Variants in NT5E observed in about 807,000 individuals in gnomAD.
NT5E encodes 5'-nucleotidase.
NT5E carries 53 observed loss-of-function variants against 55.1 expected under a neutral mutation model. The ratio of observed to expected loss-of-function variants is 0.96; its 90% confidence interval spans 0.77 to 1.21. The LOEUF (loss-of-function observed/expected upper bound fraction) is 1.21, where lower values mean the gene tolerates loss of function less well. Ranked by LOEUF, NT5E falls within the 50% of genes most tolerant of loss-of-function variation. The pLI is 0.00. For synonymous variants in NT5E, 270 were observed against 278.4 expected (o/e 0.97, Z 0.30); for missense variants, 683 against 724.3 (o/e 0.94, Z 0.65).
Position 85,487,429 on chromosome 6 carries a change from C to T in NT5E, c.1044C>T (p.Gly348=). 6.2e-7 allele frequency: 1 copy of T among 1,614,146 alleles called. No individual in the cohort carries two copies. The highest frequency in any genetic ancestry group is 1.7e-5 in the Admixed American group (1 of 60,026). Residue 348 remains glycine (G), a synonymous_variant, in exon 5 of 9, where the codon GGC becomes GGT. Coordinates refer to ENST00000257770, the MANE Select transcript of NT5E (RefSeq NM_002526.4). ...GGAAAACAATTGTCTATCTGGATGG[C>T]TCCTCTCAATCATGCCGCTTTAGAG... is the stretch of plus-strand genomic sequence containing the variant. The part of the protein sequence containing the change: ...ELGKTIVYLD[G]SSQSCRFREC...
At chr6:85,455,017 G>A (rs1768961087) in intron 1 of NT5E, among the ~76,000 whole-genome samples, 1 of 152,230 alleles carries the variant, frequency 6.6e-6, no homozygotes, top group South Asian at 2.1e-4. Context: ...GGACCAGAGT[G>A]AGGTAGCAGG....
intron 5 of NT5E, 145 bp from the exon 6 acceptor site, chr6:85,489,349 T>C: frequency 1.5e-6 from 1 of 686,952 alleles, no homozygotes; most frequent in South Asian, 1.5e-5. Flanking sequence ...TAAAATTAGT[T>C]CTAATTATAG....
At chr6:85,469,065 C>A in intron 2 of NT5E, among the ~76,000 whole-genome samples, 1 of 152,226 alleles carries the variant, frequency 6.6e-6, no homozygotes, top group East Asian at 1.9e-4. Context: ...AAGCCCAGTT[C>A]TCCCAGTCCT....
In NT5E at chr6:85,493,961, T is replaced by A. The variant is rs1271357264; in HGVS notation, c.1682T>A (p.Ile561Lys). ...CACTGCCATGGAAGCTTTTCTTTAA[T>A]ATTTCTTTCACTTTGGGCAGTGATC... ...GSHCHGSFSL[I>K]FLSLWAVIFV... The change falls in exon 9 of 9, where the codon ATA (isoleucine) becomes AAA (lysine). Residue 561 changes from isoleucine to lysine, a missense_variant. Coordinates refer to ENST00000257770, the MANE Select transcript of NT5E (RefSeq NM_002526.4). 6.2e-7 allele frequency: 1 copy of A among 1,614,096 alleles called. No homozygotes were observed. Among genetic ancestry groups the A allele is most frequent in the Admixed American group, 1.7e-5 (1 of 60,016 alleles).
At position 85,489,483 on chromosome 6, in the gene NT5E, T is replaced by C; in HGVS notation, c.1105-11T>C. ...CAGAGTAACTAGTGTAAATCTGTGC[T>C]ACTGTTGCAGATTAACAACAACCTG... On this transcript the variant is annotated splice_polypyrimidine_tract_variant and intron_variant, in intron 5 of 8. Coordinates refer to ENST00000257770, the MANE Select transcript of NT5E (RefSeq NM_002526.4). 6.4e-7 allele frequency: 1 copy of C among 1,567,646 alleles called. No individual in the cohort carries two copies. The highest frequency in any genetic ancestry group is 1.4e-5 in the African/African-American group (1 of 73,332).
intron 3 of NT5E, among the ~76,000 whole-genome samples, chr6:85,482,579 C>T (rs1232393072): frequency 6.6e-6 from 1 of 152,168 alleles, no homozygotes; most frequent in Non-Finnish European, 1.5e-5. Flanking sequence ...CCACACCATG[C>T]TGGAAAATGC....
intron 7 of NT5E, chr6:85,491,172 G>A (rs1459501762): frequency 1.0e-5 from 5 of 479,962 alleles, no homozygotes; most frequent in Admixed American, 4.8e-5. Flanking sequence ...TGGGCACAGG[G>A]AGAAAACCTT....
intron 2 of NT5E, among the ~76,000 whole-genome samples, chr6:85,469,806 G>A (rs1331429097): frequency 1.3e-5 from 2 of 152,174 alleles, no homozygotes; most frequent in Non-Finnish European, 2.9e-5. Flanking sequence ...TCATTCTGGG[G>A]CCTCCCTGGC....
chr6:85,471,643 A>G (rs1482812207), intron 3 of NT5E: 4 of 222,544 alleles, frequency 1.8e-5, no homozygotes, highest in South Asian at 1.4e-4. Flanking sequence ...AGTCAATTCC[A>G]TATATTTATG....
chr6:85,471,254 G>A lies in NT5E; in HGVS notation c.580G>A (p.Glu194Lys), dbSNP rs1424527195. ...TTCCTTAGGGACAAATTTAGTGTTT[G>A]AAGATGAAATCACTGCATTACAACC... ...LSNPGTNLVFEDEITALQPEV... is the reference protein window; with the variant it reads ...LSNPGTNLVFKDEITALQPEV... Residue 194 changes from glutamate to lysine, a missense_variant, in exon 3 of 9, where the codon GAA (glutamate) becomes AAA (lysine). By Grantham distance (56) the Glu-to-Lys change is moderately conservative (BLOSUM62 1). Transcript: ENST00000257770. 1 of 1,607,286 alleles carries A rather than the reference G, an allele frequency of 6.2e-7. No homozygotes were observed. Among genetic ancestry groups the A allele is most frequent in the Non-Finnish European group, 8.5e-7 (1 of 1,175,950 alleles).
At position 85,494,211 on chromosome 6, in the gene NT5E, C is replaced by T. The variant is rs1230683221; in HGVS notation, c.*207C>T. 5.2e-6 allele frequency: 3 copies of T among 577,116 alleles called. No homozygotes were observed. The African/African-American group carries it at 5.6e-5, about 11-fold the overall frequency. 35.7% of individuals were successfully genotyped at this position (577,116 alleles called of 1,614,324 possible). ...AGTTAGAAAAAAAATTAACATAGGGCCCTATAAGGAGAAAGCCAACTATGT... is the reference window on the plus strand; with the variant it reads ...AGTTAGAAAAAAAATTAACATAGGGTCCTATAAGGAGAAAGCCAACTATGT... On this transcript the variant is annotated 3_prime_UTR_variant, in exon 9 of 9. Transcript: ENST00000257770.
At chr6:85,461,161 T>C (rs960489147) in intron 1 of NT5E, among the ~76,000 whole-genome samples, 1 of 152,156 alleles carries the variant, frequency 6.6e-6, no homozygotes, top group African/African-American at 2.4e-5. Flanking sequence ...AATAAATAAT[T>C]GGAGGGAGGG....
intron 3 of NT5E, among the ~76,000 whole-genome samples, chr6:85,482,013 A>C (rs1246142866): frequency 6.6e-6 from 1 of 152,198 alleles, no homozygotes; most frequent in Non-Finnish European, 1.5e-5. Context: ...GCATCCAAGG[A>C]GTGTACACTT....
chr6:85,457,543 C>G (rs971141730), intron 1 of NT5E, among the ~76,000 whole-genome samples: 7 of 152,130 alleles, frequency 4.6e-5, no homozygotes, highest in Non-Finnish European at 5.9e-5. Context: ...TTTTTGGCAG[C>G]TATTTCCTTG....
chr6:85,467,774 G>A (rs1769223766), intron 2 of NT5E, among the ~76,000 whole-genome samples: 1 of 151,190 alleles, frequency 6.6e-6, no homozygotes, highest in Non-Finnish European at 1.5e-5. Flanking sequence ...TGACTTTCTG[G>A]GAAATATATA....
intron 1 of NT5E, among the ~76,000 whole-genome samples, chr6:85,455,373 C>T (rs1017719151): frequency 6.6e-6 from 1 of 152,126 alleles, no homozygotes; most frequent in African/African-American, 2.4e-5. Context: ...GTACCACCCA[C>T]CAAAGTCCAG....
intron 3 of NT5E, among the ~76,000 whole-genome samples, chr6:85,476,756 C>T (rs1258078100): frequency 3.3e-5 from 5 of 152,094 alleles, no homozygotes; most frequent in African/African-American, 7.2e-5. Context: ...AGGCCATCCC[C>T]AGCTGAACTC....
intron 1 of NT5E, among the ~76,000 whole-genome samples, chr6:85,451,513 A>C (rs1768856952): frequency 6.6e-6 from 1 of 152,200 alleles, no homozygotes; most frequent in South Asian, 2.1e-4. Context: ...TGGTTAAAAA[A>C]AAAATAAAAC....
At position 85,492,152 on chromosome 6, in the gene NT5E, A is replaced by G. The variant is rs1184598404; in HGVS notation, c.1536A>G (p.Lys512=). 6.2e-7 allele frequency: 1 copy of G among 1,614,156 alleles called. No homozygotes were observed. The highest frequency in any genetic ancestry group is 2.2e-5 in the East Asian group (1 of 44,880). The change falls in exon 8 of 9, where the codon AAA becomes AAG. Residue 512 remains lysine, a synonymous_variant. Transcript: ENST00000257770. ...ANGGDGFQMI[K]DELLRHDSGD... ...GTGGAGATGGGTTCCAGATGATAAA[A>G]GATGAATTATTAAGACATGACTCTG...
Sources: allele counts gnomAD v4.1 joint callset (sites outside exome capture counted in the v4.1 genomes callset), GRCh38; gene constraint gnomAD v4.1.1; transcripts MANE v1.5; gene names NCBI Gene and HGNC (gene_info 2026-07-23, HGNC 2026-07-21).